ADAMTSL1: variants seen among roughly 807,000 people sequenced by gnomAD.
ADAMTSL1 encodes ADAMTS like 1, also known as ADAMTS-like protein 1.
Under a neutral mutation model 201.8 loss-of-function variants are expected in ADAMTSL1, and 126 were observed. That is an observed-to-expected ratio of 0.62 (90% confidence interval 0.54 to 0.72). The LOEUF (loss-of-function observed/expected upper bound fraction) is 0.72, where lower values mean the gene tolerates loss of function less well. Ranked by LOEUF, ADAMTSL1 falls within the 30% of genes least tolerant of loss-of-function variation. The pLI is 0.00. For synonymous variants in ADAMTSL1, 1,121 were observed against 903.4 expected (o/e 1.24, Z -4.32); for missense variants, 2,679 against 2,277.8 (o/e 1.18, Z -3.59).
At chr9:18,201,749 A>T (rs544051499) in intron 2 of ADAMTSL1, among the ~76,000 whole-genome samples, 1 of 152,138 alleles carries the variant, frequency 6.6e-6, no homozygotes, top group Non-Finnish European at 1.5e-5. Context: ...AAGAACCTCA[A>T]TTTGAATCCT....
chr9:18,343,109 T>C (rs1282946928), intron 2 of ADAMTSL1, among the ~76,000 whole-genome samples: 1 of 151,988 alleles, frequency 6.6e-6, no homozygotes, highest in African/African-American at 2.4e-5. Context: ...GAGGATTGCT[T>C]GAGGCCAGGA....
intron 2 of ADAMTSL1, among the ~76,000 whole-genome samples, chr9:18,255,405 GC>G (rs906209209): frequency 1.3e-5 from 2 of 152,030 alleles, no homozygotes; most frequent in African/African-American, 4.8e-5. Context: ...GAAACTCTCA[GC>G]AGGTTTCACA....
chr9:18,382,013 T>C (rs1021279545), intron 2 of ADAMTSL1, among the ~76,000 whole-genome samples: 2 of 152,240 alleles, frequency 1.3e-5, no homozygotes, highest in Non-Finnish European at 1.5e-5. Flanking sequence ...TCTTGGCTTC[T>C]TCCTGATTGC....
At chr9:18,665,345 T>C (rs571441365) in intron 9 of ADAMTSL1, among the ~76,000 whole-genome samples, 1 of 152,256 alleles carries the variant, frequency 6.6e-6, no homozygotes, top group African/African-American at 2.4e-5. Context: ...ACTAAAATCA[T>C]AAATATCATC....
intron 13 of ADAMTSL1, among the ~76,000 whole-genome samples, chr9:18,700,532 C>T (rs759928209): frequency 6.6e-6 from 1 of 152,118 alleles, no homozygotes; most frequent in South Asian, 2.1e-4. Flanking sequence ...TAGTTAACTG[C>T]ACTTTATCCT....
At chr9:18,203,824 A>T (rs915828948) in intron 2 of ADAMTSL1, among the ~76,000 whole-genome samples, 20 of 152,186 alleles carry the variant, frequency 1.3e-4, no homozygotes, top group African/African-American at 4.6e-4. Flanking sequence ...AACTTCACAC[A>T]TAAACACCGT....
At chr9:18,367,560 T>C (rs1486634333) in intron 2 of ADAMTSL1, among the ~76,000 whole-genome samples, 1 of 152,000 alleles carries the variant, frequency 6.6e-6, no homozygotes, top group African/African-American at 2.4e-5. Context: ...ATAGAAATAA[T>C]TTAATATACT....
rs146803193 is a variant in ADAMTSL1, at chr9:18,122,934, T to C, written c.88-40928T>C. Among the ~76,000 whole-genome samples the C allele has an allele frequency of 3.6e-3, 545 of 152,242 alleles. 5 individuals are homozygous for C. Among genetic ancestry groups the C allele is most frequent in the African/African-American group, 0.013 (520 of 41,558 alleles). On this transcript the variant is annotated intron_variant, in intron 1 of 29. Coordinates refer to the ADAMTSL1 transcript ENST00000680146. The stretch of plus-strand genomic sequence containing the variant: ...TTGTACTTTTTGTCAAGATGGAGTT[T>C]CACCATGTTGTCCAGGCTGGTCTTA...
intron 1 of ADAMTSL1, among the ~76,000 whole-genome samples, chr9:17,921,888 T>C (rs1394061020): frequency 2.0e-5 from 3 of 152,188 alleles, no homozygotes; most frequent in Non-Finnish European, 4.4e-5. Flanking sequence ...TCATTTTTCA[T>C]TCTCTGTTGA....
intron 1 of ADAMTSL1, among the ~76,000 whole-genome samples, chr9:17,968,765 A>T (rs1208691018): frequency 6.6e-6 from 1 of 152,100 alleles, no homozygotes; most frequent in African/African-American, 2.4e-5. Context: ...AATTTTGAAG[A>T]TCAGTTATTT....
intron 7 of ADAMTSL1, among the ~76,000 whole-genome samples, chr9:18,655,272 C>T (rs1828555972): frequency 6.6e-6 from 1 of 152,146 alleles, no homozygotes; most frequent in Admixed American, 6.5e-5. Flanking sequence ...ATTTCTATGG[C>T]CCTCCAGCTC....
intron 15 of ADAMTSL1, among the ~76,000 whole-genome samples, chr9:18,724,268 T>C (rs112965896): frequency 1.9e-4 from 29 of 152,348 alleles, no homozygotes; most frequent in African/African-American, 6.7e-4. Flanking sequence ...AGCCACTTTT[T>C]TTCTTGTATG....
At chr9:18,402,206 A>G (rs1818012670) in intron 2 of ADAMTSL1, among the ~76,000 whole-genome samples, 1 of 152,174 alleles carries the variant, frequency 6.6e-6, no homozygotes, top group Admixed American at 6.5e-5. Flanking sequence ...TCCTCAGTGA[A>G]TATAACCATT....
chr9:18,479,347 A>G (rs964765588), intron 1 of ADAMTSL1, among the ~76,000 whole-genome samples: 4 of 152,204 alleles, frequency 2.6e-5, no homozygotes, highest in Non-Finnish European at 4.4e-5. Flanking sequence ...TTTCCCAAGA[A>G]ACTCAGTATT....
chr9:17,989,408 TTTAA>T (rs1196825903), intron 1 of ADAMTSL1, among the ~76,000 whole-genome samples: 4 of 151,996 alleles, frequency 2.6e-5, no homozygotes, highest in Admixed American at 2.0e-4. Context: ...TTTATCATAA[TTTAA>T]TTAATCAATA....
At chr9:18,463,118 T>G (rs1296233226) in intron 2 of ADAMTSL1, among the ~76,000 whole-genome samples, 2 of 152,078 alleles carry the variant, frequency 1.3e-5, no homozygotes, top group Non-Finnish European at 2.9e-5. Context: ...GAAATATTTC[T>G]TTAATATTGG....
chr9:18,117,993 A>G (rs1028086760), intron 1 of ADAMTSL1, among the ~76,000 whole-genome samples: 2 of 152,176 alleles, frequency 1.3e-5, no homozygotes, highest in African/African-American at 4.8e-5. Flanking sequence ...CTAGTTTGCA[A>G]CATTGTCCTA....
chr9:18,628,277 G>C (rs759416703), intron 5 of ADAMTSL1, among the ~76,000 whole-genome samples: 3 of 152,120 alleles, frequency 2.0e-5, no homozygotes, highest in Non-Finnish European at 2.9e-5. Flanking sequence ...GTGTAAGTTT[G>C]ATAGGTAGCT....
chr9:18,653,586 G>C (rs1828430538), intron 7 of ADAMTSL1, among the ~76,000 whole-genome samples: 1 of 148,828 alleles, frequency 6.7e-6, no homozygotes, highest in Admixed American at 6.7e-5. Flanking sequence ...GACTAGCCTG[G>C]GCAACTTAGT....
Sources: allele counts gnomAD v4.1 joint callset (sites outside exome capture counted in the v4.1 genomes callset), GRCh38; gene constraint gnomAD v4.1.1; transcripts MANE v1.5; gene names NCBI Gene and HGNC (gene_info 2026-07-23, HGNC 2026-07-21).